TBC1D15: variants seen among roughly 807,000 people sequenced by gnomAD.
TBC1D15 encodes the protein GAP for RAB7.
A neutral mutation model predicts 95.4 loss-of-function variants in TBC1D15; 39 were observed. The ratio of observed to expected loss-of-function variants is 0.41; its 90% CI spans 0.32 to 0.53. TBC1D15 has a LOEUF of 0.53. Ranked by LOEUF, TBC1D15 falls within the 20% of genes least tolerant of loss-of-function variation. TBC1D15 has a pLI of 0.29. For synonymous variants in TBC1D15, 258 were observed against 261.3 expected (o/e 0.99, Z 0.12); for missense variants, 733 against 794.3 (o/e 0.92, Z 0.93).
chr12:71,864,304 A>G (rs1309097843), intron 1 of TBC1D15, among the ~76,000 whole-genome samples: 1 of 151,832 alleles, frequency 6.6e-6, no homozygotes, highest in Non-Finnish European at 1.5e-5. Flanking sequence ...TCTTGACCTC[A>G]TGATCTGCTC....
At chr12:71,875,094 A>G (rs959929031) in intron 3 of TBC1D15, among the ~76,000 whole-genome samples, 8 of 151,902 alleles carry the variant, frequency 5.3e-5, no homozygotes, top group Non-Finnish European at 1.2e-4. Context: ...GCATGCCACC[A>G]TGCCCGGCTA....
intron 5 of TBC1D15, among the ~76,000 whole-genome samples, chr12:71,890,026 T>C (rs138427712): frequency 3.3e-5 from 5 of 152,332 alleles, no homozygotes; most frequent in Non-Finnish European, 7.4e-5. Flanking sequence ...CCACATTGTC[T>C]TTATCCAGCC....
chr12:71,865,433 G>A lies in TBC1D15; in HGVS notation c.31-6637G>A, dbSNP rs74930305. On this transcript the variant is annotated intron_variant, in intron 1 of 16. Coordinates refer to ENST00000485960, the MANE Select transcript of TBC1D15 (RefSeq NM_001146213.3). ...CAGGAATCTGAGCCAGTAGGGTTCA[G>A]TGGTAACGTGGATCTCAGGGGATGA... Among the ~76,000 whole-genome samples the A allele has an allele frequency of 5.0e-3, 757 of 152,280 alleles. 6 individuals carry two copies. Among genetic ancestry groups the A allele is most frequent in the African/African-American group, 0.017 (705 of 41,540 alleles).
At chr12:71,881,916 C>CAAAA (rs35977474) in intron 4 of TBC1D15, among the ~76,000 whole-genome samples, 18 of 53,566 alleles carry the variant, frequency 3.4e-4, no homozygotes, top group African/African-American at 6.9e-4. Flanking sequence ...GACTCCGTCT[C>CAAAA]AAAAAAAAAA....
intron 4 of TBC1D15, among the ~76,000 whole-genome samples, chr12:71,884,569 T>TA (rs1895854309): frequency 6.6e-6 from 1 of 152,168 alleles, no homozygotes; most frequent in Non-Finnish European, 1.5e-5. Context: ...TGGGCAAAGC[T>TA]TGTATTTTAC....
chr12:71,889,030 A>G (rs967169557), intron 5 of TBC1D15, among the ~76,000 whole-genome samples: 1 of 152,144 alleles, frequency 6.6e-6, no homozygotes, highest in Admixed American at 6.5e-5. Flanking sequence ...TATTAGGATA[A>G]TATGTAAGTT....
intron 1 of TBC1D15, among the ~76,000 whole-genome samples, chr12:71,846,755 CTTTTTT>C (rs10651326): frequency 9.0e-6 from 1 of 111,178 alleles, no homozygotes; most frequent in Admixed American, 1.0e-4. Context: ...TTTTATACAG[CTTTTTT>C]TTTTTTTTTT....
At chr12:71,849,910 G>A in intron 1 of TBC1D15, 1 of 563,244 alleles carries the variant, frequency 1.8e-6, no homozygotes, top group Non-Finnish European at 3.5e-6. Flanking sequence ...AGCGTCTTGA[G>A]GATCAGTGGC....
chr12:71,913,508 C>T (rs867225344), intron 11 of TBC1D15: 2 of 225,336 alleles, frequency 8.9e-6, no homozygotes, highest in South Asian at 6.5e-5. Context: ...ATCTCTTCAC[C>T]CCTCTTCTTT....
At chr12:71,889,536 C>G (rs1400809612) in intron 5 of TBC1D15, among the ~76,000 whole-genome samples, 1 of 151,602 alleles carries the variant, frequency 6.6e-6, no homozygotes, top group Non-Finnish European at 1.5e-5. Flanking sequence ...TAGAATAAAG[C>G]TATTCCAAGT....
intron 11 of TBC1D15, among the ~76,000 whole-genome samples, chr12:71,911,697 A>G (rs1902395623): frequency 6.6e-6 from 1 of 151,834 alleles, no homozygotes; most frequent in Admixed American, 6.6e-5. Context: ...TGGGTGCAGC[A>G]CACCAGCATG....
chr12:71,877,494 T>TCC (rs1894142325), intron 3 of TBC1D15, among the ~76,000 whole-genome samples: 1 of 127,794 alleles, frequency 7.8e-6, no homozygotes, highest in East Asian at 2.2e-4. Context: ...TTCTTTCCTG[T>TCC]TTTTCCTTCC....
intron 5 of TBC1D15, among the ~76,000 whole-genome samples, chr12:71,890,218 C>A (rs1896967436): frequency 6.6e-6 from 1 of 152,106 alleles, no homozygotes; most frequent in African/African-American, 2.4e-5. Context: ...AATTTTTATT[C>A]TACTAGGTGT....
At chr12:71,915,769 A>G (rs1233210882) in intron 12 of TBC1D15, among the ~76,000 whole-genome samples, 1 of 152,096 alleles carries the variant, frequency 6.6e-6, no homozygotes, top group Non-Finnish European at 1.5e-5. Flanking sequence ...TCTTTATTCT[A>G]AAAAAGATAT....
intron 1 of TBC1D15, among the ~76,000 whole-genome samples, chr12:71,864,474 C>A (rs1303975697): frequency 6.6e-6 from 1 of 151,560 alleles, no homozygotes. Flanking sequence ...ATGACTTTCA[C>A]CTGCAGTTGA....
chr12:71,874,271 G>A (rs1893303958), intron 3 of TBC1D15, among the ~76,000 whole-genome samples: 1 of 152,084 alleles, frequency 6.6e-6, no homozygotes, highest in East Asian at 1.9e-4. Context: ...GGGAGGGGGC[G>A]GCACAATTCA....
chr12:71,893,437 GAT>G lies in TBC1D15; in HGVS notation c.657+116_657+117del, dbSNP rs200070012. The G allele has an allele frequency of 9.8e-4, 507 of 519,444 alleles. 1 individual carries two copies. The highest frequency in any genetic ancestry group is 9.3e-3 in the African/African-American group (455 of 48,762). 32.2% of individuals were successfully genotyped at this position (519,444 alleles called of 1,614,324 possible). A position where few individuals can be genotyped will look rare whatever the true frequency, so the allele number is the denominator to read the frequency against. ...TGAGACAGGTACATATATATACATA[GAT>G]ATGTGTGTGTGTGTGTGTAATCTTT... On this transcript the variant is annotated intron_variant, in intron 6 of 16. Coordinates refer to ENST00000485960, the MANE Select transcript of TBC1D15 (RefSeq NM_001146213.3).
At chr12:71,914,969 T>C (rs183520525) in intron 12 of TBC1D15, among the ~76,000 whole-genome samples, 78 of 152,212 alleles carry the variant, frequency 5.1e-4, no homozygotes, top group Admixed American at 5.0e-3. Flanking sequence ...TTCAGTTTTT[T>C]TCTAAATGTA....
At chr12:71,843,254 A>G (rs1352599056) in intron 1 of TBC1D15, among the ~76,000 whole-genome samples, 1 of 152,204 alleles carries the variant, frequency 6.6e-6, no homozygotes, top group African/African-American at 2.4e-5. Flanking sequence ...GGCGAAGGGC[A>G]TACTGTGTTT....
Sources: allele counts gnomAD v4.1 joint callset (sites outside exome capture counted in the v4.1 genomes callset), GRCh38; gene constraint gnomAD v4.1.1; transcripts MANE v1.5; gene names NCBI Gene and HGNC (gene_info 2026-07-23, HGNC 2026-07-21).